Variants in ARHGEF18 observed in about 807,000 individuals in gnomAD.
ARHGEF18 encodes the protein Rho/Rac guanine nucleotide exchange factor 18.
In ARHGEF18, 93 loss-of-function variants were observed where a neutral mutation model predicts 155.7. The observed-to-expected ratio is 0.60, with a 90% CI of 0.50 to 0.71. ARHGEF18 has a LOEUF of 0.71. Ranked by LOEUF, ARHGEF18 falls within the 30% of genes least tolerant of loss-of-function variation. ARHGEF18 has a pLI of 0.00. For synonymous variants in ARHGEF18, 742 were observed against 753.1 expected (o/e 0.99, Z 0.24); for missense variants, 1,593 against 1,816.1 (o/e 0.88, Z 2.23).
At chr19:7,379,943 T>C (rs1406664846) in intron 7 of ARHGEF18, among the ~76,000 whole-genome samples, 2 of 151,164 alleles carry the variant, frequency 1.3e-5, no homozygotes, top group African/African-American at 4.9e-5. Context: ...GGTGGGAGGA[T>C]TGTTTGAGCC....
intron 10 of ARHGEF18, among the ~76,000 whole-genome samples, chr19:7,414,489 A>T (rs1469057088): frequency 6.6e-6 from 1 of 152,166 alleles, no homozygotes; most frequent in South Asian, 2.1e-4. Context: ...CAGCCTAGCC[A>T]ACATGGTGAA....
chr19:7,353,362 T>C (rs1281005543), intron 1 of ARHGEF18, among the ~76,000 whole-genome samples: 2 of 150,812 alleles, frequency 1.3e-5, no homozygotes, highest in Non-Finnish European at 3.0e-5. Flanking sequence ...GCTGAGGTGG[T>C]TGGATCACCT....
At chr19:7,372,755 G>A in intron 2 of ARHGEF18, 57 bp from the exon 3 acceptor site, 3 of 1,232,556 alleles carry the variant, frequency 2.4e-6, no homozygotes, top group Non-Finnish European at 3.0e-6. Context: ...GAGACCCCAG[G>A]TTCTGCTGCC....
intron 10 of ARHGEF18, among the ~76,000 whole-genome samples, chr19:7,393,473 T>C (rs1400615853): frequency 6.6e-6 from 1 of 152,046 alleles, no homozygotes; most frequent in African/African-American, 2.4e-5. Context: ...ACTCCCAAAG[T>C]GTTAGGATTA....
intron 10 of ARHGEF18, among the ~76,000 whole-genome samples, chr19:7,402,007 C>T (rs1972040547): frequency 6.6e-6 from 1 of 152,158 alleles, no homozygotes; most frequent in Admixed American, 6.6e-5. Flanking sequence ...GAAATGTATA[C>T]AACAGGCAAA....
At position 7,470,260 on chromosome 19, in the gene ARHGEF18, A is replaced by G; in HGVS notation, c.4048A>G (p.Lys1350Glu). ...SPLPATPLSA[K>E]EDASKEDVIF... is the part of the protein sequence containing the mutation. ...ACTGCCGGCCACACCACTCAGCGCC[A>G]AGGAGGACGCCAGCAAAGAAGACGT... The change falls in exon 29 of 29, where the codon AAG (lysine) becomes GAG (glutamate). Residue 1350 changes from lysine (K) to glutamate (E), a missense_variant. Lys to Glu is a moderately conservative substitution (Grantham distance 56). Transcript: ENST00000668164. This position sits in a 1 kb window ranked among gnomAD's most constrained non-coding sequence, Gnocchi z 5.9. 2.5e-6 allele frequency: 4 copies of G among 1,571,980 alleles called. No individual in the cohort carries two copies. In the South Asian group the frequency reaches 4.6e-5, roughly 18 times the overall value.
At chr19:7,391,445 T>C (rs1224444341) in intron 10 of ARHGEF18, among the ~76,000 whole-genome samples, 1 of 152,104 alleles carries the variant, frequency 6.6e-6, no homozygotes, top group Non-Finnish European at 1.5e-5. Context: ...TGAGGCTGTT[T>C]ATAATTCAAC....
At chr19:7,417,245 G>A (rs1973081525) in intron 10 of ARHGEF18, among the ~76,000 whole-genome samples, 1 of 152,100 alleles carries the variant, frequency 6.6e-6, no homozygotes, top group Non-Finnish European at 1.5e-5. Flanking sequence ...GGCCTCTGGG[G>A]CTTCACTGAG....
intron 10 of ARHGEF18, among the ~76,000 whole-genome samples, chr19:7,427,417 G>A (rs539869081): frequency 3.3e-5 from 5 of 151,852 alleles, no homozygotes; most frequent in Admixed American, 6.6e-5. Flanking sequence ...GAGGTGGGAG[G>A]ATTGCCTGAG....
intron 16 of ARHGEF18, among the ~76,000 whole-genome samples, chr19:7,452,073 G>A (rs1975517029): frequency 6.6e-6 from 1 of 152,220 alleles, no homozygotes; most frequent in Non-Finnish European, 1.5e-5. Flanking sequence ...TCAGCACCAT[G>A]AAAGCAGGAG....
intron 15 of ARHGEF18, 42 bp from the exon 16 acceptor site, chr19:7,451,107 T>G (rs776273065): frequency 6.3e-7 from 1 of 1,586,400 alleles, no homozygotes; most frequent in South Asian, 1.1e-5. Flanking sequence ...TTGCTGTCCG[T>G]TTCTGAGATG....
intron 10 of ARHGEF18, among the ~76,000 whole-genome samples, chr19:7,431,465 C>G (rs376506377): frequency 7.6e-6 from 1 of 130,754 alleles, no homozygotes; most frequent in Non-Finnish European, 1.6e-5. Context: ...GAGTCAAGAT[C>G]GTGCCACTGC....
chr19:7,386,805 A>T (rs146836687), intron 10 of ARHGEF18, among the ~76,000 whole-genome samples: 1 of 151,988 alleles, frequency 6.6e-6, no homozygotes, highest in Non-Finnish European at 1.5e-5. Context: ...TCCCACCTCC[A>T]CCTAGACTCC....
At chr19:7,363,382 T>C (rs1361740515) in intron 2 of ARHGEF18, among the ~76,000 whole-genome samples, 2 of 151,070 alleles carry the variant, frequency 1.3e-5, no homozygotes, top group Non-Finnish European at 2.9e-5. Context: ...GATAGATGGA[T>C]GGACTGATGG....
In ARHGEF18 at chr19:7,444,603, C is replaced by A. The variant is rs1273840103; in HGVS notation, c.1611+149C>A. The stretch of plus-strand genomic sequence containing the variant: ...ACAGCTCAATGCAGCCTCAACCTCT[C>A]AGGCTCAGGTGATCCTCCCACCTCA... On this transcript the variant is annotated intron_variant, in intron 14 of 28. Coordinates refer to ENST00000668164, the MANE Select transcript of ARHGEF18 (RefSeq NM_001367823.1). This position sits in a 1 kb window ranked among gnomAD's most constrained non-coding sequence, Gnocchi z 4.7. 8 of 1,176,026 alleles carry A rather than the reference C, an allele frequency of 6.8e-6. No individual in the cohort carries two copies. The highest frequency in any genetic ancestry group is 9.3e-6 in the Non-Finnish European group (8 of 858,062). 72.8% of individuals were successfully genotyped at this position (1,176,026 alleles called of 1,614,324 possible). A position where few individuals can be genotyped will look rare whatever the true frequency, so the allele number is the denominator to read the frequency against.
At chr19:7,416,418 CAA>C (rs1973009027) in intron 10 of ARHGEF18, among the ~76,000 whole-genome samples, 1 of 151,624 alleles carries the variant, frequency 6.6e-6, no homozygotes, top group African/African-American at 2.4e-5. Context: ...TCTAAAATAA[CAA>C]TATAATAATA....
intron 10 of ARHGEF18, among the ~76,000 whole-genome samples, chr19:7,434,884 G>A (rs896711638): frequency 3.3e-5 from 5 of 152,110 alleles, no homozygotes; most frequent in African/African-American, 9.7e-5. Context: ...CAGAGTCACC[G>A]AAATGGATCT....
At chr19:7,356,316 G>T in intron 1 of ARHGEF18, among the ~76,000 whole-genome samples, 1 of 150,788 alleles carries the variant, frequency 6.6e-6, no homozygotes, top group Admixed American at 6.6e-5. Flanking sequence ...GGTCGCCGAG[G>T]CTGGAGTGCA....
intron 13 of ARHGEF18, among the ~76,000 whole-genome samples, chr19:7,443,604 G>C (rs1045165467): frequency 2.0e-5 from 3 of 152,116 alleles, no homozygotes; most frequent in African/African-American, 7.2e-5. Context: ...TCACCTTTGG[G>C]GTTCGAATTT....
Sources: allele counts gnomAD v4.1 joint callset (sites outside exome capture counted in the v4.1 genomes callset), GRCh38; gene constraint gnomAD v4.1.1; non-coding constraint Gnocchi (gnomAD v3.1); transcripts MANE v1.5; gene names NCBI Gene and HGNC (gene_info 2026-07-23, HGNC 2026-07-21).